ELMO1: variants seen among roughly 807,000 people sequenced by gnomAD.
ELMO1 encodes engulfment and cell motility 1.
In ELMO1, 26 loss-of-function variants were observed where a neutral mutation model predicts 98.9. The observed-to-expected ratio is 0.26, with a 90% CI of 0.19 to 0.36. The LOEUF is 0.36. Ranked by LOEUF, ELMO1 falls within the 10% of genes least tolerant of loss-of-function variation. The pLI, the probability that ELMO1 is intolerant of heterozygous loss-of-function variation, is 1.00. For synonymous variants in ELMO1, 346 were observed against 346.0 expected, an observed-to-expected ratio of 1.00 and a Z score of 0.00; for missense variants, 627 against 935.2, an observed-to-expected ratio of 0.67 and a Z score of 4.30.
At chr7:36,975,342 C>G (rs926826773) in intron 16 of ELMO1, among the ~76,000 whole-genome samples, 1 of 152,076 alleles carries the variant, frequency 6.6e-6, no homozygotes, top group African/African-American at 2.4e-5. Flanking sequence ...CATGGTGACA[C>G]ATGCCTGTAA....
intron 15 of ELMO1, among the ~76,000 whole-genome samples, chr7:37,095,717 A>G (rs1166957611): frequency 6.6e-6 from 1 of 152,226 alleles, no homozygotes; most frequent in African/African-American, 2.4e-5. Flanking sequence ...TCTCTTTCCA[A>G]TGTAATCATC....
intron 5 of ELMO1, among the ~76,000 whole-genome samples, chr7:37,265,919 C>T (rs1412796355): frequency 6.6e-6 from 1 of 151,744 alleles, no homozygotes; most frequent in Admixed American, 6.6e-5. Flanking sequence ...AGGAACAGGA[C>T]ATCCTTCCTC....
intron 1 of ELMO1, among the ~76,000 whole-genome samples, chr7:37,384,200 C>T (rs1167923979): frequency 7.9e-5 from 12 of 152,136 alleles, no homozygotes; most frequent in African/African-American, 2.7e-4. Context: ...CTATTTTAGT[C>T]ATACCTATTT....
chr7:37,278,855 G>A (rs979088821), intron 4 of ELMO1, among the ~76,000 whole-genome samples: 1 of 152,186 alleles, frequency 6.6e-6, no homozygotes, highest in African/African-American at 2.4e-5. Flanking sequence ...ATTTAACTGA[G>A]GCAAGGTCAC....
In ELMO1 at chr7:36,975,844, T is replaced by C. The variant is rs1383101327; in HGVS notation, c.1437+37455A>G. ...CCTGGGCAACAGAGTGACACTTGCC[T>C]GAAAAAAAAAAAAAAAAAAGATAAA... On this transcript the variant is annotated intron_variant, in intron 16 of 21. Coordinates refer to ENST00000310758, the MANE Select transcript of ELMO1 (RefSeq NM_014800.11). 7.1e-5 allele frequency among the ~76,000 whole-genome samples: 7 copies of C among 98,198 alleles called. No individual in the cohort carries two copies. In the East Asian group the frequency reaches 1.5e-3, roughly 22 times the overall value. 64.4% of individuals were successfully genotyped at this position (98,198 alleles called of 152,430 possible). A position where few individuals can be genotyped will look rare whatever the true frequency, so the allele number is the denominator to read the frequency against.
In ELMO1 at chr7:36,894,971, T is replaced by G; in HGVS notation, c.1484A>C (p.Lys495Thr). Residue 495 changes from lysine to threonine, a missense_variant, in exon 17 of 22, where the codon AAG (lysine) becomes ACG (threonine). Lys to Thr is a moderately conservative substitution (Grantham distance 78). This residue lies in a region of ELMO1 where 492 missense variants were observed against 715.6 expected (regional missense o/e 0.69). Transcript: ENST00000310758. Reference protein sequence around the residue: ...KEQVMRALTTKPSSLDQFKSK... With the variant: ...KEQVMRALTTTPSSLDQFKSK... The stretch of plus-strand genomic sequence containing the variant: ...CTTGAACTGGTCCAGGGAGCTAGGC[T>G]TGGTTGTAAGTGCTCTCATAACCTG... 1.2e-6 allele frequency: 2 copies of G among 1,614,072 alleles called. No individual in the cohort carries two copies. Among genetic ancestry groups the G allele is most frequent in the Non-Finnish European group, 1.7e-6 (2 of 1,180,008 alleles).
chr7:37,190,803 A>C (rs1334822223), intron 13 of ELMO1, among the ~76,000 whole-genome samples: 1 of 152,058 alleles, frequency 6.6e-6, no homozygotes, highest in Non-Finnish European at 1.5e-5. Context: ...CCCAACCAGA[A>C]ATTTTCTTTT....
At chr7:36,933,883 T>A (rs964980305) in intron 16 of ELMO1, among the ~76,000 whole-genome samples, 1 of 152,216 alleles carries the variant, frequency 6.6e-6, no homozygotes, top group Non-Finnish European at 1.5e-5. Context: ...GGACTTCAAG[T>A]TGCCCGTCCC....
At chr7:37,169,449 T>G (rs1789993779) in intron 13 of ELMO1, among the ~76,000 whole-genome samples, 1 of 152,204 alleles carries the variant, frequency 6.6e-6, no homozygotes, top group Non-Finnish European at 1.5e-5. Flanking sequence ...CGCTGGGAGC[T>G]GTAGACCAGA....
chr7:36,944,698 G>A (rs1787333337), intron 16 of ELMO1, among the ~76,000 whole-genome samples: 16 of 152,166 alleles, frequency 1.1e-4, no homozygotes, highest in Admixed American at 1.0e-3. Context: ...TTGCCTGCTG[G>A]AAGCCAGTTG....
intron 1 of ELMO1, among the ~76,000 whole-genome samples, chr7:37,386,128 G>A (rs140055000): frequency 6.6e-6 from 1 of 152,218 alleles, no homozygotes; most frequent in Non-Finnish European, 1.5e-5. Flanking sequence ...GCCCAGCCCT[G>A]GAGCTGGTTC....
At chr7:36,946,934 T>A (rs1039110714) in intron 16 of ELMO1, among the ~76,000 whole-genome samples, 4 of 152,258 alleles carry the variant, frequency 2.6e-5, no homozygotes, top group Non-Finnish European at 5.9e-5. Flanking sequence ...TCACAATGAA[T>A]TAATTTATTT....
At chr7:37,166,832 G>A (rs1789733029) in intron 13 of ELMO1, among the ~76,000 whole-genome samples, 1 of 152,170 alleles carries the variant, frequency 6.6e-6, no homozygotes, top group Non-Finnish European at 1.5e-5. Flanking sequence ...GGGGAGGAGA[G>A]TTCTGTAGAT....
chr7:36,968,626 C>A (rs1487242763), intron 16 of ELMO1, among the ~76,000 whole-genome samples: 2 of 152,124 alleles, frequency 1.3e-5, no homozygotes, highest in Admixed American at 6.5e-5. Context: ...TTAATTCTTA[C>A]ATTTTCTCTA....
intron 1 of ELMO1, among the ~76,000 whole-genome samples, chr7:37,425,941 C>T (rs1004318210): frequency 6.6e-6 from 1 of 152,126 alleles, no homozygotes; most frequent in Admixed American, 6.5e-5. Flanking sequence ...ACTCTGGACC[C>T]TCATGCCTAG....
In ELMO1 at chr7:37,043,606, T is replaced by G. The variant is rs1253487726; in HGVS notation, c.1301-30171A>C. ...CTACTATGTGTAAATTATATCTCAA[T>G]AAACTTCATTACAATGATATACTAA... On this transcript the variant is annotated intron_variant, in intron 15 of 21. Transcript: ENST00000310758. 4.6e-5 allele frequency among the ~76,000 whole-genome samples: 7 copies of G among 152,216 alleles called. No individual in the cohort carries two copies. In the East Asian group the frequency reaches 1.3e-3, roughly 29 times the overall value.
At chr7:37,075,923 C>T (rs755395196) in intron 15 of ELMO1, among the ~76,000 whole-genome samples, 4 of 152,122 alleles carry the variant, frequency 2.6e-5, no homozygotes, top group South Asian at 2.1e-4. Context: ...ACAGACAATG[C>T]TCTGTTGAGT....
intron 16 of ELMO1, among the ~76,000 whole-genome samples, chr7:36,993,271 T>A (rs1426662959): frequency 2.6e-5 from 4 of 151,950 alleles, no homozygotes; most frequent in Admixed American, 6.6e-5. Context: ...CTAGGGTGAG[T>A]CCTGTTTAAA....
chr7:37,267,448 A>G (rs888121), intron 5 of ELMO1, among the ~76,000 whole-genome samples: 151,029 of 151,934 alleles, frequency 0.99, 75,067 homozygotes, highest in South Asian at 1. Flanking sequence ...GGGCGCGCGC[A>G]CGCGTGTGTG....
Sources: allele counts gnomAD v4.1 joint callset (sites outside exome capture counted in the v4.1 genomes callset), GRCh38; gene constraint gnomAD v4.1.1; regional missense constraint gnomAD v4.1.1; transcripts MANE v1.5; gene names NCBI Gene and HGNC (gene_info 2026-07-23, HGNC 2026-07-21).